Variants in JPH3 observed in about 807,000 individuals in gnomAD.
The protein encoded by JPH3 is junctophilin-3.
JPH3 carries 11 observed loss-of-function variants against 59.6 expected under a neutral mutation model. The observed-to-expected ratio is 0.18, with a 90% CI of 0.12 to 0.31. The LOEUF is 0.31. Ranked by LOEUF, JPH3 falls within the 10% of genes least tolerant of loss-of-function variation. The probability of loss-of-function intolerance (pLI) is 1.00; values close to 1 mark genes in which losing one functional copy is unlikely to be tolerated. For synonymous variants in JPH3, 673 were observed against 483.6 expected (o/e 1.39, Z -5.14); for missense variants, 1,202 against 1,105.7 (o/e 1.09, Z -1.24).
At chr16:87,628,612 C>T (rs2031461435) in intron 1 of JPH3, among the ~76,000 whole-genome samples, 1 of 152,212 alleles carries the variant, frequency 6.6e-6, no homozygotes, top group Non-Finnish European at 1.5e-5. Flanking sequence ...GGCTTAACCT[C>T]ATCACTCGGT....
Position 87,680,014 on chromosome 16 carries a change from C to T in JPH3, c.1161-4128C>T, listed in dbSNP as rs544397843. Among the ~76,000 whole-genome samples the T allele has an allele frequency of 9.8e-5, 15 of 152,332 alleles. No homozygotes were observed. The South Asian group carries it at 2.7e-3, about 27-fold the overall frequency. ...GACCCCGCCTCTAAGCCTGGGTCTT[C>T]CTCTGGGCACCCGTTGGGGACAGGG... On this transcript the variant is annotated intron_variant, in intron 2 of 4. Transcript: ENST00000284262.
chr16:87,690,426 G>A lies in JPH3; in HGVS notation c.2066G>A (p.Arg689Gln), dbSNP rs2033538483. 6.7e-7 allele frequency: 1 copy of A among 1,499,342 alleles called. No individual in the cohort carries two copies. Among genetic ancestry groups the A allele is most frequent in the South Asian group, 1.4e-5 (1 of 72,528 alleles). The allele number at this position is 1,499,342 out of a possible 1,614,324, so 92.9% of individuals were successfully genotyped here. Residue 689 changes from arginine to glutamine, a missense_variant, in exon 4 of 5, where the codon CGG becomes CAG. Transcript: ENST00000284262. ...CTGCGGCTGGGCGGGGCCGAGCCCCGGTTGCTGCGTTGGGACTTGACCTTC... is the reference window on the plus strand; with the variant it reads ...CTGCGGCTGGGCGGGGCCGAGCCCCAGTTGCTGCGTTGGGACTTGACCTTC... The part of the protein sequence containing the change: ...ASLRLGGAEP[R>Q]LLRWDLTFSP...
At chr16:87,680,754 T>C (rs2033268946) in intron 2 of JPH3, among the ~76,000 whole-genome samples, 1 of 152,242 alleles carries the variant, frequency 6.6e-6, no homozygotes, top group Non-Finnish European at 1.5e-5. Context: ...GACAAACCGC[T>C]GCAGTGCGTT....
chr16:87,664,047 G>A (rs1002764531), intron 2 of JPH3, among the ~76,000 whole-genome samples: 2 of 152,180 alleles, frequency 1.3e-5, no homozygotes, highest in Non-Finnish European at 2.9e-5. Flanking sequence ...AAATCATATG[G>A]CCAGCTGGGC....
At chr16:87,649,768 C>G (rs1567598930) in intron 2 of JPH3, among the ~76,000 whole-genome samples, 2 of 128,880 alleles carry the variant, frequency 1.6e-5, no homozygotes, top group East Asian at 4.5e-4. Flanking sequence ...GGGACCTGCT[C>G]AGAACCCCAG....
chr16:87,690,098 C>A lies in JPH3; in HGVS notation c.1738C>A (p.Pro580Thr), dbSNP rs779463840. The A allele has an allele frequency of 7.6e-6, 12 of 1,574,260 alleles. No individual in the cohort carries two copies. The highest frequency in any genetic ancestry group is 4.8e-5 in the East Asian group (2 of 41,768). ...GCGGGAGCGGCGGACGGAGTCACCC[C>A]CCGTGTTCACGTGGACTTCCCACCA... The part of the protein sequence containing the change: ...KPRERRTESP[P>T]VFTWTSHHRA... Residue 580 changes from proline to threonine, a missense_variant, in exon 4 of 5, where the codon CCC becomes ACC. By Grantham distance (38) the Pro-to-Thr change is conservative. Coordinates refer to ENST00000284262, the MANE Select transcript of JPH3 (RefSeq NM_020655.4).
intron 2 of JPH3, among the ~76,000 whole-genome samples, chr16:87,646,434 C>T (rs2032153391): frequency 6.6e-6 from 1 of 152,302 alleles, no homozygotes; most frequent in African/African-American, 2.4e-5. Context: ...AATGTTCAGG[C>T]AGGGAAATAA....
intron 1 of JPH3, among the ~76,000 whole-genome samples, chr16:87,619,789 T>A (rs1293984106): frequency 6.6e-6 from 1 of 151,940 alleles, no homozygotes; most frequent in Non-Finnish European, 1.5e-5. Context: ...GACTTCTTGG[T>A]TGGGGGAATA....
At chr16:87,636,868 A>G (rs893544022) in intron 1 of JPH3, among the ~76,000 whole-genome samples, 6 of 152,318 alleles carry the variant, frequency 3.9e-5, no homozygotes, top group South Asian at 2.1e-4. Context: ...AGGTGTGGAA[A>G]CTAACTCAGC....
At chr16:87,628,940 T>TG (rs1225866412) in intron 1 of JPH3, among the ~76,000 whole-genome samples, 2 of 152,144 alleles carry the variant, frequency 1.3e-5, no homozygotes, top group African/African-American at 4.8e-5. Flanking sequence ...TTCTTAGCCT[T>TG]GCCCTGGGTC....
At chr16:87,663,727 C>T (rs1317560905) in intron 2 of JPH3, among the ~76,000 whole-genome samples, 10 of 152,230 alleles carry the variant, frequency 6.6e-5, no homozygotes, top group Non-Finnish European at 8.8e-5. Context: ...TGCCACTCTG[C>T]ACCAGCTCTC....
chr16:87,670,340 G>A (rs889890752), intron 2 of JPH3, among the ~76,000 whole-genome samples: 1 of 152,202 alleles, frequency 6.6e-6, no homozygotes, highest in African/African-American at 2.4e-5. Context: ...ACCCACGTGT[G>A]GCCTCTGCAG....
intron 1 of JPH3, among the ~76,000 whole-genome samples, chr16:87,625,879 C>A (rs2031356889): frequency 6.6e-6 from 1 of 152,122 alleles, no homozygotes; most frequent in South Asian, 2.1e-4. Context: ...CATACCCTCC[C>A]CTGATGACCT....
Position 87,626,181 on chromosome 16 carries a change from T to A in JPH3, c.383-18077T>A, listed in dbSNP as rs538276821. 4.3e-3 allele frequency among the ~76,000 whole-genome samples: 650 copies of A among 152,222 alleles called. 9 individuals are homozygous for A. The highest frequency in any genetic ancestry group is 0.015 in the African/African-American group (626 of 41,548). On this transcript the variant is annotated intron_variant, in intron 1 of 4. Coordinates refer to ENST00000284262, the MANE Select transcript of JPH3 (RefSeq NM_020655.4). Reference sequence around the variant, plus strand: ...CTGTGGGGCCACTCCCATTGCTTTGTGCTTAGTAACTGGGTCTTCAAGGCA... The same window carrying A: ...CTGTGGGGCCACTCCCATTGCTTTGAGCTTAGTAACTGGGTCTTCAAGGCA...
chr16:87,628,666 C>G (rs1034692487), intron 1 of JPH3, among the ~76,000 whole-genome samples: 2 of 152,218 alleles, frequency 1.3e-5, no homozygotes, highest in African/African-American at 4.8e-5. Flanking sequence ...TAATGTCTCC[C>G]TCGCGGGGCT....
chr16:87,693,921 G>A (rs998237386), intron 4 of JPH3: 4 of 152,222 alleles, frequency 2.6e-5, no homozygotes, highest in Non-Finnish European at 5.9e-5. Context: ...ACCGCCATTC[G>A]GGCCAGGCAG....
chr16:87,695,709 G>C (rs1442883238), intron 4 of JPH3: 2 of 433,210 alleles, frequency 4.6e-6, no homozygotes, highest in African/African-American at 5.3e-5. Context: ...GAGCTTCCCA[G>C]AGGGGCCACG....
At chr16:87,689,148 G>GC (rs2033491643) in intron 3 of JPH3, among the ~76,000 whole-genome samples, 3 of 152,208 alleles carry the variant, frequency 2.0e-5, no homozygotes, top group Admixed American at 2.0e-4. Context: ...TCTCACGCTG[G>GC]CCCCGGCACT....
intron 2 of JPH3, among the ~76,000 whole-genome samples, chr16:87,661,965 C>G (rs1358802092): frequency 1.3e-5 from 2 of 152,260 alleles, no homozygotes; most frequent in Non-Finnish European, 2.9e-5. Flanking sequence ...TGATTTTACG[C>G]TCACAGATTC....
Sources: allele counts gnomAD v4.1 joint callset (sites outside exome capture counted in the v4.1 genomes callset), GRCh38; gene constraint gnomAD v4.1.1; transcripts MANE v1.5; gene names NCBI Gene and HGNC (gene_info 2026-07-23, HGNC 2026-07-21).